ERC2: variants seen among roughly 807,000 people sequenced by gnomAD.
ERC2 encodes ERC protein 2.
A neutral mutation model predicts 114.8 loss-of-function variants in ERC2; 42 were observed. The ratio of observed to expected loss-of-function variants is 0.37; its 90% confidence interval spans 0.29 to 0.47. The LOEUF is 0.47. ERC2 is among the 20% of genes least tolerant of loss of function. ERC2 has a pLI of 0.99. For missense variants in ERC2, 939 were observed against 1,150.7 expected, an observed-to-expected ratio of 0.82 and a Z score of 2.66; for synonymous variants, 454 against 425.5, an observed-to-expected ratio of 1.07 and a Z score of -0.82.
chr3:55,851,336 T>G (rs74528483), intron 14 of ERC2, among the ~76,000 whole-genome samples: 3,468 of 152,198 alleles, frequency 0.023, 142 homozygotes, highest in African/African-American at 0.079. Context: ...TCTCTCCACT[T>G]AAACTACACT....
intron 12 of ERC2, among the ~76,000 whole-genome samples, chr3:55,964,758 T>A (rs1183416112): frequency 6.6e-6 from 1 of 152,214 alleles, no homozygotes; most frequent in Non-Finnish European, 1.5e-5. Flanking sequence ...GCAATTCTCA[T>A]CTGCAGGCTT....
At position 56,231,068 on chromosome 3, in the gene ERC2, G is replaced by C. The variant is rs752398579; in HGVS notation, c.1075-57548C>G. ...CCCATTTTACAGATATGGAAACTGA[G>C]GCTTAGACCTATTTTAGTTGAAATT... On this transcript the variant is annotated intron_variant, in intron 3 of 17. Coordinates refer to ENST00000288221, the MANE Select transcript of ERC2 (RefSeq NM_015576.3). Among the ~76,000 whole-genome samples the C allele has an allele frequency of 2.4e-4, 37 of 152,278 alleles. No individual in the cohort carries two copies. The Middle Eastern group carries it at 0.01, about 42-fold the overall frequency.
rs539916021 is a variant in ERC2, at chr3:55,826,738, C to T, written c.2564+61651G>A. Among the ~76,000 whole-genome samples the T allele has an allele frequency of 2.2e-3, 332 of 152,262 alleles. 1 individual carries two copies. The highest frequency in any genetic ancestry group is 7.5e-3 in the African/African-American group (312 of 41,550). ...CAGTTTTTTCTCCTCCATATTCATT[C>T]GGTAGAAAGTCTGTTTTACACTTAT... is the stretch of plus-strand genomic sequence containing the variant. On this transcript the variant is annotated intron_variant, in intron 14 of 17. Transcript: ENST00000288221.
At chr3:56,343,457 A>T (rs77724843) in intron 2 of ERC2, among the ~76,000 whole-genome samples, 4 of 139,628 alleles carry the variant, frequency 2.9e-5, no homozygotes, top group East Asian at 2.0e-4. Context: ...CTTCAAAATT[A>T]AAAAAAAAAA....
chr3:55,835,487 A>G (rs908201106), intron 14 of ERC2, among the ~76,000 whole-genome samples: 4 of 152,308 alleles, frequency 2.6e-5, no homozygotes, highest in Middle Eastern at 3.4e-3. Flanking sequence ...TATAAACAGA[A>G]CCAAAGACAA....
At chr3:55,579,098 T>A (rs2057130565) in intron 17 of ERC2, among the ~76,000 whole-genome samples, 2 of 152,192 alleles carry the variant, frequency 1.3e-5, no homozygotes, top group Admixed American at 1.3e-4. Context: ...ATATAGCTTT[T>A]CCCACTTCTT....
chr3:55,894,239 G>A (rs575540708), intron 13 of ERC2, among the ~76,000 whole-genome samples: 79 of 152,040 alleles, frequency 5.2e-4, no homozygotes, highest in African/African-American at 1.9e-3. Flanking sequence ...AAATAAACTG[G>A]ACTGTTTACC....
intron 17 of ERC2, chr3:55,659,506 A>G (rs966783252): frequency 7.4e-6 from 1 of 135,820 alleles, no homozygotes; most frequent in African/African-American, 2.8e-5. Flanking sequence ...ACCCCCTACC[A>G]CCTCTCTCAG....
intron 2 of ERC2, among the ~76,000 whole-genome samples, chr3:56,325,663 A>T (rs2057329973): frequency 6.6e-6 from 1 of 152,200 alleles, no homozygotes; most frequent in Non-Finnish European, 1.5e-5. Flanking sequence ...TCTTGTCATT[A>T]TGAACTATAT....
chr3:56,407,430 G>A (rs2060772448), intron 2 of ERC2, among the ~76,000 whole-genome samples: 1 of 152,182 alleles, frequency 6.6e-6, no homozygotes, highest in Non-Finnish European at 1.5e-5. Context: ...CAGAACCACA[G>A]AGGGTATTTC....
intron 14 of ERC2, among the ~76,000 whole-genome samples, chr3:55,877,075 A>G (rs1305886668): frequency 6.6e-6 from 1 of 152,190 alleles, no homozygotes; most frequent in Non-Finnish European, 1.5e-5. Flanking sequence ...AGTTTAAGAA[A>G]CACCAGTATA....
intron 7 of ERC2, among the ~76,000 whole-genome samples, chr3:56,037,321 C>G (rs936686269): frequency 1.3e-5 from 2 of 152,248 alleles, no homozygotes; most frequent in East Asian, 3.9e-4. Context: ...ATCACAGGAG[C>G]TGTGAATGAG....
intron 14 of ERC2, among the ~76,000 whole-genome samples, chr3:55,873,836 G>A (rs796372276): frequency 1.2e-3 from 178 of 152,260 alleles, no homozygotes; most frequent in African/African-American, 4.3e-3. Context: ...CCTTCAGGAA[G>A]CATGGGTCCA....
At chr3:55,694,947 T>G (rs1009606730) in intron 16 of ERC2, among the ~76,000 whole-genome samples, 4 of 152,192 alleles carry the variant, frequency 2.6e-5, no homozygotes, top group Non-Finnish European at 5.9e-5. Context: ...ACCAGGTTAG[T>G]CTATACCTGG....
intron 13 of ERC2, among the ~76,000 whole-genome samples, chr3:55,917,251 A>G (rs2065152342): frequency 6.6e-6 from 1 of 152,184 alleles, no homozygotes; most frequent in Admixed American, 6.5e-5. Flanking sequence ...GATTTTTGCA[A>G]GAAAAAATAA....
At chr3:55,583,530 T>TCCCTCCC (rs2057417158) in intron 17 of ERC2, among the ~76,000 whole-genome samples, 1 of 55,630 alleles carries the variant, frequency 1.8e-5, no homozygotes, top group Admixed American at 2.0e-4. Flanking sequence ...CCTCCCTTCC[T>TCCCTCCC]TCCTTCCTTC....
intron 7 of ERC2, among the ~76,000 whole-genome samples, chr3:56,068,182 T>C (rs917675772): frequency 4.6e-5 from 7 of 152,202 alleles, no homozygotes; most frequent in African/African-American, 1.7e-4. Flanking sequence ...CTTTTTTTGG[T>C]TGGCGGGCTA....
At chr3:55,776,620 G>A (rs2068641037) in intron 14 of ERC2, among the ~76,000 whole-genome samples, 1 of 152,200 alleles carries the variant, frequency 6.6e-6, no homozygotes, top group South Asian at 2.1e-4. Flanking sequence ...GGGCTGGGAA[G>A]GGTCAAGCTG....
intron 2 of ERC2, among the ~76,000 whole-genome samples, chr3:56,409,542 C>T (rs1397061625): frequency 6.7e-6 from 1 of 149,122 alleles, no homozygotes; most frequent in African/African-American, 2.5e-5. Flanking sequence ...AAAACCTCTG[C>T]TCACAAAGGG....
Sources: gnomAD v4.1 joint callset for allele counts (sites outside exome capture counted in the v4.1 genomes callset) on GRCh38, gnomAD v4.1.1 for gene constraint, MANE v1.5 for transcripts, NCBI Gene and HGNC (gene_info 2026-07-23, HGNC 2026-07-21) for gene names.